CPN1: variants seen among roughly 807,000 people sequenced by gnomAD.
CPN1 encodes carboxypeptidase N subunit 1.
CPN1 carries 37 observed loss-of-function variants against 46.4 expected under a neutral mutation model. The observed-to-expected ratio is 0.80, with a 90% CI of 0.61 to 1.05. CPN1 has a LOEUF of 1.05. Among genes scored for constraint, CPN1 ranks in the 50% least tolerant of loss-of-function variants. CPN1 has a pLI of 0.00. For missense variants in CPN1, 563 were observed against 602.6 expected, an observed-to-expected ratio of 0.93 and a Z score of 0.69; for synonymous variants, 224 against 235.4, an observed-to-expected ratio of 0.95 and a Z score of 0.44.
In CPN1 at chr10:100,076,107, AC is replaced by A; in HGVS notation, c.224-1del. 6.2e-7 allele frequency: 1 copy of A among 1,614,212 alleles called. No individual in the cohort carries two copies. Among genetic ancestry groups the A allele is most frequent in the African/African-American group, 1.3e-5 (1 of 75,070 alleles). On this transcript the variant is annotated splice_acceptor_variant, in intron 1 of 8. Coordinates refer to ENST00000370418, the MANE Select transcript of CPN1 (RefSeq NM_001308.3). LOFTEE classifies it high-confidence loss of function. ...CCCCACATACTTGACCTCTGGTTCC[AC>A]TGCAAGGAAGAGAAAAGATGGGGGA...
chr10:100,075,855 C>A, intron 2 of CPN1, 56 bp downstream of exon 2: 4 of 1,567,846 alleles, frequency 2.6e-6, no homozygotes, highest in Non-Finnish European at 3.5e-6. Flanking sequence ...GTCCACTGGA[C>A]TTTATTTCCT....
intron 5 of CPN1, among the ~76,000 whole-genome samples, chr10:100,059,812 CA>C (rs569369137): frequency 8.7e-4 from 133 of 152,238 alleles, no homozygotes; most frequent in Non-Finnish European, 1.6e-3. Context: ...CACCATTATT[CA>C]CAAAAGCTAA....
chr10:100,045,912 G>C (rs183596468), intron 8 of CPN1, among the ~76,000 whole-genome samples: 2 of 152,264 alleles, frequency 1.3e-5, no homozygotes, highest in African/African-American at 4.8e-5. Flanking sequence ...CCTAGGAAAG[G>C]CTGACTTTTA....
chr10:100,075,995 C>T lies in CPN1; in HGVS notation c.336G>A (p.Gln112=), dbSNP rs1339591211. The part of the protein sequence containing the change: ...FLCEEFRNRN[Q]RIVQLIQDTR... ...TGTCCTGGATGAGCTGGACGATGCG[C>T]TGGTTCCTGTTCCGGAACTCCTCGC... Residue 112 remains glutamine (Q), a synonymous_variant, in exon 2 of 9, where the codon CAG becomes CAA. Coordinates refer to ENST00000370418, the MANE Select transcript of CPN1 (RefSeq NM_001308.3). 6.2e-7 allele frequency: 1 copy of T among 1,614,178 alleles called. No individual in the cohort carries two copies.
chr10:100,049,989 C>CTATCT (rs1260401182), intron 7 of CPN1, among the ~76,000 whole-genome samples: 3 of 152,142 alleles, frequency 2.0e-5, no homozygotes, highest in Non-Finnish European at 2.9e-5. Context: ...GAAATGATGT[C>CTATCT]TATCTAAAGA....
At position 100,051,918 on chromosome 10, in the gene CPN1, T is replaced by C. The variant is rs375198584; in HGVS notation, c.1111+2429A>G. On this transcript the variant is annotated intron_variant, in intron 7 of 8. Transcript: ENST00000370418. Reference sequence around the variant, plus strand: ...TTAATATGTTTTGTTTTTATTGTTGTTTTGAAACAGAGTCTCACTCTGCCC... The same window carrying C: ...TTAATATGTTTTGTTTTTATTGTTGCTTTGAAACAGAGTCTCACTCTGCCC... 3.3e-3 allele frequency among the ~76,000 whole-genome samples: 503 copies of C among 151,892 alleles called. 26 individuals carry two copies. In the South Asian group the frequency reaches 0.1, roughly 31 times the overall value.
intron 8 of CPN1, among the ~76,000 whole-genome samples, chr10:100,044,986 C>T (rs1320010263): frequency 6.6e-6 from 1 of 152,242 alleles, no homozygotes; most frequent in Non-Finnish European, 1.5e-5. Flanking sequence ...GCTGGGATTA[C>T]AGGTGTGAAC....
At position 100,054,337 on chromosome 10, in the gene CPN1, G is replaced by T; in HGVS notation, c.1111+10C>A. The T allele has an allele frequency of 1.9e-6, 3 of 1,607,890 alleles. No individual in the cohort carries two copies. In the South Asian group the frequency reaches 3.3e-5, roughly 18 times the overall value. ...CGCTTCCTTCTTACCCCTAAGCAGT[G>T]ACCACCTACCTGAAGTGACATCATG... On this transcript the variant is annotated intron_variant, in intron 7 of 8. Transcript: ENST00000370418.
At chr10:100,054,254 G>T in intron 7 of CPN1, 93 bp downstream of exon 7, 1 of 979,984 alleles carries the variant, frequency 1.0e-6, no homozygotes, top group Non-Finnish European at 1.6e-6. Flanking sequence ...CACCCCTGCT[G>T]GTTTCACTAG....
At chr10:100,068,112 A>C (rs2041464510) in intron 3 of CPN1, among the ~76,000 whole-genome samples, 1 of 147,442 alleles carries the variant, frequency 6.8e-6, no homozygotes, top group Non-Finnish European at 1.5e-5. Flanking sequence ...AGATTGTGCC[A>C]CTGCACTCCA....
At chr10:100,063,372 C>T (rs1188215278) in intron 5 of CPN1, among the ~76,000 whole-genome samples, 2 of 152,192 alleles carry the variant, frequency 1.3e-5, no homozygotes, top group African/African-American at 2.4e-5. Context: ...CCACCCTCCT[C>T]GGCCTCCCAA....
At chr10:100,079,286 T>C (rs1484014706) in intron 1 of CPN1, among the ~76,000 whole-genome samples, 1 of 152,288 alleles carries the variant, frequency 6.6e-6, no homozygotes, top group African/African-American at 2.4e-5. Flanking sequence ...TTTTATTCTC[T>C]GCTGTACTTC....
rs1194538353 is a variant in CPN1 at position 100,054,359 on chromosome 10, C to A, written c.1099G>T (p.Asp367Tyr). 6.2e-7 allele frequency: 1 copy of A among 1,613,510 alleles called. No homozygotes were observed. Among genetic ancestry groups the A allele is most frequent in the Admixed American group, 1.7e-5 (1 of 60,006 alleles). Residue 367 changes from aspartate (D) to tyrosine (Y), a missense_variant, in exon 7 of 9, where the codon GAT becomes TAT. Coordinates refer to ENST00000370418, the MANE Select transcript of CPN1 (RefSeq NM_001308.3). ...AGTGACCACCTACCTGAAGTGACAT[C>A]ATGGTTAATCCCACTGACAGAAATG... ...AVISVSGINH[D>Y]VTSGDHGDYF...
chr10:100,054,374 T>C lies in CPN1; in HGVS notation c.1084A>G (p.Ser362Gly). The C allele has an allele frequency of 1.2e-6, 2 of 1,614,030 alleles. No individual in the cohort carries two copies. Among genetic ancestry groups the C allele is most frequent in the Non-Finnish European group, 8.5e-7 (1 of 1,179,944 alleles). The change falls in exon 7 of 9, where the codon AGT becomes GGT. Residue 362 changes from serine to glycine, a missense_variant. Transcript: ENST00000370418. ...NNLANAVISV[S>G]GINHDVTSGD... ...GAAGTGACATCATGGTTAATCCCACTGACAGAAATGACAGCATTGGCGAGA... is the reference window on the plus strand; with the variant it reads ...GAAGTGACATCATGGTTAATCCCACCGACAGAAATGACAGCATTGGCGAGA...
intron 5 of CPN1, among the ~76,000 whole-genome samples, chr10:100,058,768 A>G (rs1412620793): frequency 1.3e-5 from 2 of 152,142 alleles, no homozygotes; most frequent in Non-Finnish European, 2.9e-5. Context: ...AAAGCTAGAG[A>G]CTCACAATTT....
chr10:100,058,235 T>C (rs1399455580), intron 5 of CPN1, among the ~76,000 whole-genome samples: 1 of 152,192 alleles, frequency 6.6e-6, no homozygotes, highest in Admixed American at 6.5e-5. Context: ...AAAGTCTGCA[T>C]ATTAGCTGTG....
In CPN1 at chr10:100,081,831, C is replaced by T; in HGVS notation, c.-206G>A. On this transcript the variant is annotated 5_prime_UTR_variant, in exon 1 of 9. Transcript: ENST00000370418. ...AGCCACTCATCTCTCCTCCCTCACT[C>T]CCTTTCTTTCTCTAATCCAGGAAAG... 6 of 591,292 alleles carry T rather than the reference C, an allele frequency of 1.0e-5. No homozygotes were observed. The highest frequency in any genetic ancestry group is 7.5e-5 in the South Asian group (4 of 53,354). The allele number at this position is 591,292 out of a possible 1,614,324, so 36.6% of individuals were successfully genotyped here.
At chr10:100,075,766 G>A (rs996485820) in intron 2 of CPN1, 145 bp downstream of exon 2, 18 of 902,170 alleles carry the variant, frequency 2.0e-5, no homozygotes, top group Non-Finnish European at 3.1e-5. Flanking sequence ...TTATATTTCT[G>A]ATGGATTTTT....
At chr10:100,073,190 C>T (rs2041495575) in intron 2 of CPN1, among the ~76,000 whole-genome samples, 1 of 152,192 alleles carries the variant, frequency 6.6e-6, no homozygotes, top group African/African-American at 2.4e-5. Context: ...AAGTTTCCTA[C>T]ATCAGTTGTG....
Sources: gnomAD v4.1 joint callset for allele counts (sites outside exome capture counted in the v4.1 genomes callset) on GRCh38, gnomAD v4.1.1 for gene constraint, MANE v1.5 for transcripts, NCBI Gene and HGNC (gene_info 2026-07-23, HGNC 2026-07-21) for gene names.